Variants in SORCS1 observed in about 807,000 individuals in gnomAD.
The protein encoded by SORCS1 is VPS10 domain-containing receptor SorCS1.
In SORCS1, 60 loss-of-function variants were observed where a neutral mutation model predicts 146.1. The ratio of observed to expected loss-of-function variants is 0.41; its 90% CI spans 0.33 to 0.51. SORCS1 has a LOEUF of 0.51. Among genes scored for constraint, SORCS1 ranks in the 20% least tolerant of loss-of-function variants. The probability of loss-of-function intolerance (pLI) is 0.21; values close to 1 mark genes in which losing one functional copy is unlikely to be tolerated. For synonymous variants in SORCS1, 637 were observed against 584.0 expected, an observed-to-expected ratio of 1.09 and a Z score of -1.31; for missense variants, 1,352 against 1,487.6, an observed-to-expected ratio of 0.91 and a Z score of 1.50.
At chr10:107,104,757 A>G (rs1440995900) in intron 1 of SORCS1, among the ~76,000 whole-genome samples, 1 of 152,088 alleles carries the variant, frequency 6.6e-6, no homozygotes, top group African/African-American at 2.4e-5. Context: ...GGAGTGCAGG[A>G]AAGTTATGTC....
chr10:106,623,524 G>T (rs771905954), intron 19 of SORCS1, among the ~76,000 whole-genome samples: 1 of 151,994 alleles, frequency 6.6e-6, no homozygotes, highest in East Asian at 1.9e-4. Context: ...GATTACAGGC[G>T]TGAGCCACCA....
intron 1 of SORCS1, among the ~76,000 whole-genome samples, chr10:107,037,481 C>T (rs557407711): frequency 6.6e-6 from 1 of 152,380 alleles, no homozygotes; most frequent in East Asian, 1.9e-4. Flanking sequence ...GCATTTCTAT[C>T]TGGCTCCCGG....
At chr10:106,579,259 A>G in intron 25 of SORCS1, 110 bp downstream of exon 25, 1 of 1,614,120 alleles carries the variant, frequency 6.2e-7, no homozygotes. Flanking sequence ...TTCCTAAAAT[A>G]TTAATAGAAA....
the SORCS1 span, among the ~76,000 whole-genome samples, chr10:107,172,311 T>A: frequency 6.6e-6 from 1 of 152,230 alleles, no homozygotes; most frequent in African/African-American, 2.4e-5. Context: ...ATTCTTGGTC[T>A]GTGCCTGCCA....
At chr10:106,772,853 C>T (rs1244554602) in intron 4 of SORCS1, among the ~76,000 whole-genome samples, 6 of 151,972 alleles carry the variant, frequency 3.9e-5, no homozygotes, top group Non-Finnish European at 4.4e-5. Flanking sequence ...AGCAGGGTAC[C>T]GCAGCTCATA....
intron 24 of SORCS1, among the ~76,000 whole-genome samples, chr10:106,585,173 A>G (rs111836216): frequency 0.092 from 14,015 of 151,592 alleles, 1,020 homozygotes; most frequent in East Asian, 0.24. Context: ...GCAGTGAGCC[A>G]AGATCGTGCC....
intron 1 of SORCS1, among the ~76,000 whole-genome samples, chr10:107,129,590 T>A (rs916814686): frequency 1.3e-5 from 2 of 152,198 alleles, no homozygotes; most frequent in Admixed American, 1.3e-4. Flanking sequence ...ATAATTTAAG[T>A]TTTAAATTTT....
At chr10:107,038,383 G>A (rs922961175) in intron 1 of SORCS1, among the ~76,000 whole-genome samples, 4 of 137,990 alleles carry the variant, frequency 2.9e-5, no homozygotes, top group Admixed American at 8.2e-5. Flanking sequence ...TCAGACAGAG[G>A]ACTGTCGTGG....
At chr10:106,767,045 G>T (rs112709554) in intron 4 of SORCS1, among the ~76,000 whole-genome samples, 8 of 152,286 alleles carry the variant, frequency 5.3e-5, no homozygotes, top group African/African-American at 1.9e-4. Flanking sequence ...AGTGGAAGCT[G>T]GGGCTACAAA....
intron 6 of SORCS1, among the ~76,000 whole-genome samples, chr10:106,720,052 G>A (rs1438100045): frequency 1.3e-5 from 2 of 152,094 alleles, no homozygotes; most frequent in African/African-American, 4.8e-5. Flanking sequence ...CTTCCTTGAT[G>A]GCCCTCTTTC....
chr10:106,615,017 A>G (rs554951142), intron 21 of SORCS1, among the ~76,000 whole-genome samples: 4 of 136,022 alleles, frequency 2.9e-5, no homozygotes, highest in Non-Finnish European at 6.2e-5. Context: ...CAATTTCCCA[A>G]ATGTGATGCT....
chr10:107,019,800 G>A (rs1308930042), intron 1 of SORCS1, among the ~76,000 whole-genome samples: 2 of 152,242 alleles, frequency 1.3e-5, no homozygotes, highest in African/African-American at 4.8e-5. Context: ...ATTGGGGCAT[G>A]ACTATCTCTG....
At chr10:106,695,345 C>G (rs540169330) in intron 9 of SORCS1, among the ~76,000 whole-genome samples, 2 of 152,108 alleles carry the variant, frequency 1.3e-5, no homozygotes, top group South Asian at 4.2e-4. Context: ...TCTGTTTTCA[C>G]TGGTATGCAA....
chr10:106,985,814 T>C (rs113609219), intron 1 of SORCS1, among the ~76,000 whole-genome samples: 33,813 of 150,896 alleles, frequency 0.22, 4,565 homozygotes, highest in Middle Eastern at 0.33. Context: ...GGATTACAGG[T>C]ATCAGCCACC....
intron 1 of SORCS1, among the ~76,000 whole-genome samples, chr10:106,998,011 AAGG>A (rs1305274421): frequency 6.6e-6 from 1 of 152,228 alleles, no homozygotes; most frequent in African/African-American, 2.4e-5. Context: ...GCTTCTAATT[AAGG>A]AGAAGACCTC....
At chr10:106,962,678 C>A (rs1489676346) in intron 1 of SORCS1, among the ~76,000 whole-genome samples, 1 of 152,156 alleles carries the variant, frequency 6.6e-6, no homozygotes, top group East Asian at 1.9e-4. Flanking sequence ...GTATTTCTCT[C>A]AACCACTAGT....
intron 2 of SORCS1, among the ~76,000 whole-genome samples, chr10:106,898,261 T>A (rs929248707): frequency 2.6e-5 from 4 of 152,336 alleles, no homozygotes; most frequent in African/African-American, 9.6e-5. Flanking sequence ...GCTGATCAGA[T>A]ACTGTTCTGC....
At chr10:106,961,909 T>C (rs1391853875) in intron 1 of SORCS1, among the ~76,000 whole-genome samples, 3 of 152,216 alleles carry the variant, frequency 2.0e-5, no homozygotes, top group East Asian at 3.8e-4. Context: ...CTGCTATACA[T>C]TGCCACTTAA....
intron 2 of SORCS1, among the ~76,000 whole-genome samples, chr10:106,910,114 A>G (rs1008773046): frequency 6.6e-6 from 1 of 152,178 alleles, no homozygotes; most frequent in Non-Finnish European, 1.5e-5. Context: ...TTCTACCTCT[A>G]AACTAATATC....
Sources: allele counts gnomAD v4.1 joint callset (sites outside exome capture counted in the v4.1 genomes callset), GRCh38; gene constraint gnomAD v4.1.1; transcripts MANE v1.5; gene names NCBI Gene and HGNC (gene_info 2026-07-23, HGNC 2026-07-21).